TENM3: variants seen among roughly 807,000 people sequenced by gnomAD.
TENM3 encodes the protein teneurin transmembrane protein 3, also known as teneurin-3.
TENM3 carries 63 observed loss-of-function variants against 255.1 expected under a neutral mutation model. That is an observed-to-expected ratio of 0.25 (90% CI 0.20 to 0.30). TENM3 has a LOEUF of 0.30. Among genes scored for constraint, TENM3 ranks in the 10% least tolerant of loss-of-function variants. TENM3 has a pLI of 1.00. For synonymous variants in TENM3, 1,306 were observed against 1,322.3 expected (o/e 0.99, Z 0.27); for missense variants, 2,929 against 3,461.1 (o/e 0.85, Z 3.86).
At chr4:182,599,728 G>A (rs993251421) in intron 3 of TENM3, among the ~76,000 whole-genome samples, 5 of 152,138 alleles carry the variant, frequency 3.3e-5, no homozygotes, top group African/African-American at 4.8e-5. Context: ...AGTTCACATC[G>A]TAGATGGAAG....
chr4:182,285,523 C>T (rs145210404), intron 1 of TENM3, among the ~76,000 whole-genome samples: 5 of 152,052 alleles, frequency 3.3e-5, no homozygotes, highest in Non-Finnish European at 5.9e-5. Context: ...GTAGACGAAA[C>T]CATTTTGAAG....
At chr4:181,564,561 C>T in the TENM3 span, among the ~76,000 whole-genome samples, 7 of 152,164 alleles carry the variant, frequency 4.6e-5, no homozygotes, top group South Asian at 1.5e-3. Context: ...TGTACAAGCT[C>T]GCCATTAAAC....
chr4:182,029,155 C>T, the TENM3 span, among the ~76,000 whole-genome samples: 5 of 151,974 alleles, frequency 3.3e-5, no homozygotes, highest in African/African-American at 4.8e-5. Context: ...GCTGGTGAAG[C>T]GGGAATTTGC....
chr4:182,579,819 A>C (rs891974979), intron 3 of TENM3, among the ~76,000 whole-genome samples: 2 of 152,222 alleles, frequency 1.3e-5, no homozygotes, highest in Admixed American at 1.3e-4. Context: ...GGTATAAGGA[A>C]AGTTACATTA....
At chr4:181,499,734 C>T in the TENM3 span, among the ~76,000 whole-genome samples, 1 of 152,124 alleles carries the variant, frequency 6.6e-6, no homozygotes, top group African/African-American at 2.4e-5. Context: ...GCCATACAAT[C>T]AGAAATGGAT....
the TENM3 span, chr4:181,522,918 G>A: frequency 1.1e-6 from 1 of 880,104 alleles, no homozygotes; most frequent in African/African-American, 1.7e-5. Flanking sequence ...TGTTGTGCTG[G>A]TTATTTCCAG....
chr4:181,759,229 T>C, the TENM3 span, among the ~76,000 whole-genome samples: 1 of 152,058 alleles, frequency 6.6e-6, no homozygotes, highest in South Asian at 2.1e-4. Context: ...TAGTATATAA[T>C]ATTAAATAGT....
the TENM3 span, among the ~76,000 whole-genome samples, chr4:181,527,626 T>G: frequency 1.6e-5 from 2 of 126,724 alleles, no homozygotes; most frequent in African/African-American, 6.5e-5. Context: ...CCAGGTTTTG[T>G]TTTTTTTTTT....
At chr4:182,481,612 C>T (rs112491613) in intron 3 of TENM3, among the ~76,000 whole-genome samples, 6 of 135,934 alleles carry the variant, frequency 4.4e-5, no homozygotes, top group African/African-American at 7.3e-5. Flanking sequence ...CTGAGCAACA[C>T]GGTGAAACCC....
At chr4:182,183,867 G>A (rs573483763) in intron 1 of TENM3, among the ~76,000 whole-genome samples, 2 of 152,218 alleles carry the variant, frequency 1.3e-5, no homozygotes, top group South Asian at 4.1e-4. Flanking sequence ...GGAATAAATA[G>A]CAAACATATG....
chr4:182,746,097 A>T (rs186924117), intron 19 of TENM3, among the ~76,000 whole-genome samples: 183 of 152,342 alleles, frequency 1.2e-3, no homozygotes, highest in Middle Eastern at 3.4e-3. Context: ...GCACTTTGAA[A>T]AATAATAATA....
intron 4 of TENM3, among the ~76,000 whole-genome samples, chr4:182,605,504 G>A (rs62339120): frequency 2.0e-5 from 3 of 150,294 alleles, no homozygotes; most frequent in Non-Finnish European, 4.4e-5. Context: ...AAAAAAAAGG[G>A]AAAGTCAACT....
chr4:182,427,618 G>T (rs1367412006), intron 3 of TENM3, among the ~76,000 whole-genome samples: 1 of 152,110 alleles, frequency 6.6e-6, no homozygotes, highest in Non-Finnish European at 1.5e-5. Context: ...AAATGACATA[G>T]ATAAATACCA....
chr4:181,715,767 G>C, the TENM3 span, among the ~76,000 whole-genome samples: 3 of 152,298 alleles, frequency 2.0e-5, no homozygotes, highest in South Asian at 6.2e-4. Flanking sequence ...AAATGCCCTA[G>C]TGGGCAGTAC....
chr4:181,516,086 T>C, the TENM3 span, among the ~76,000 whole-genome samples: 1 of 152,130 alleles, frequency 6.6e-6, no homozygotes, highest in Non-Finnish European at 1.5e-5. Context: ...GCCATTATCC[T>C]CAGCAAACTA....
At chr4:181,961,480 T>TGGC in the TENM3 span, among the ~76,000 whole-genome samples, 5 of 152,086 alleles carry the variant, frequency 3.3e-5, no homozygotes, top group Non-Finnish European at 7.4e-5. Flanking sequence ...GAGCGTAGTG[T>TGGC]GCGATCTCGA....
chr4:181,801,260 T>C, the TENM3 span, among the ~76,000 whole-genome samples: 1 of 152,158 alleles, frequency 6.6e-6, no homozygotes, highest in Non-Finnish European at 1.5e-5. Flanking sequence ...GCTTGTTTTC[T>C]CTAAGACTCT....
the TENM3 span, among the ~76,000 whole-genome samples, chr4:181,965,509 C>T: frequency 1.4e-4 from 21 of 152,272 alleles, no homozygotes; most frequent in African/African-American, 5.1e-4. Flanking sequence ...AAAGCTCTCA[C>T]AGATGAGGAT....
chr4:182,147,618 C>T (rs1308096501), intron 1 of TENM3, among the ~76,000 whole-genome samples: 2 of 152,132 alleles, frequency 1.3e-5, no homozygotes, highest in African/African-American at 2.4e-5. Context: ...TTACACATTG[C>T]TCATCTACCC....
Sources: allele counts gnomAD v4.1 joint callset (sites outside exome capture counted in the v4.1 genomes callset), GRCh38; gene constraint gnomAD v4.1.1; transcripts MANE v1.5; gene names NCBI Gene and HGNC (gene_info 2026-07-23, HGNC 2026-07-21).